Variants in SYN2 observed in about 807,000 individuals in gnomAD.
The protein encoded by SYN2 is synapsin II.
In SYN2, 19 loss-of-function variants were observed where a neutral mutation model predicts 50.9. The observed-to-expected ratio is 0.37, with a 90% CI of 0.26 to 0.55. The LOEUF (loss-of-function observed/expected upper bound fraction) is 0.55, where lower values mean the gene tolerates loss of function less well. Ranked by LOEUF, SYN2 falls within the 20% of genes least tolerant of loss-of-function variation. The pLI is 0.81. For missense variants in SYN2, 587 were observed against 576.4 expected, an observed-to-expected ratio of 1.02 and a Z score of -0.19; for synonymous variants, 255 against 224.9, an observed-to-expected ratio of 1.13 and a Z score of -1.20.
At chr3:12,104,747 G>C (rs1487217901) in intron 1 of SYN2, among the ~76,000 whole-genome samples, 2 of 151,528 alleles carry the variant, frequency 1.3e-5, no homozygotes. Context: ...AATTATTTTT[G>C]TATTTTTAGT....
chr3:12,152,341 A>G (rs1310226675), intron 5 of SYN2, among the ~76,000 whole-genome samples: 1 of 152,174 alleles, frequency 6.6e-6, no homozygotes, highest in African/African-American at 2.4e-5. Context: ...CCTAGAGGCC[A>G]ATATCAGGAC....
intron 5 of SYN2, among the ~76,000 whole-genome samples, chr3:12,161,022 G>A (rs1231039419): frequency 6.6e-6 from 1 of 152,212 alleles, no homozygotes; most frequent in Non-Finnish European, 1.5e-5. Context: ...TGAGATTGGG[G>A]TATTGGTGAG....
intron 1 of SYN2, among the ~76,000 whole-genome samples, chr3:12,026,718 G>C (rs930396266): frequency 4.1e-4 from 63 of 152,320 alleles, no homozygotes; most frequent in African/African-American, 1.5e-3. Context: ...AGACGTGGCT[G>C]GGAGGATCAC....
chr3:12,110,664 G>A (rs1209352353), intron 1 of SYN2, among the ~76,000 whole-genome samples: 1 of 152,210 alleles, frequency 6.6e-6, no homozygotes, highest in African/African-American at 2.4e-5. Flanking sequence ...CACTTGTACA[G>A]CACAGGGACT....
chr3:12,188,045 T>G (rs1574898476), intron 12 of SYN2, among the ~76,000 whole-genome samples: 1 of 152,028 alleles, frequency 6.6e-6, no homozygotes, highest in East Asian at 1.9e-4. Context: ...ATTTTTAATC[T>G]TTCTGCCTCT....
At chr3:12,144,029 G>A (rs1697088436) in intron 3 of SYN2, among the ~76,000 whole-genome samples, 1 of 152,218 alleles carries the variant, frequency 6.6e-6, no homozygotes, top group East Asian at 1.9e-4. Context: ...CCTGGGCAGA[G>A]AACCAAGTAG....
intron 1 of SYN2, among the ~76,000 whole-genome samples, chr3:12,088,415 TGGG>T (rs1289815245): frequency 6.6e-6 from 1 of 151,986 alleles, no homozygotes. Context: ...AGATAAGTAT[TGGG>T]GGGGTTGTGA....
intron 12 of SYN2, 94 bp downstream of exon 12, chr3:12,187,706 T>G: frequency 7.0e-7 from 1 of 1,435,320 alleles, no homozygotes; most frequent in South Asian, 1.5e-5. Flanking sequence ...TTCAATCAGG[T>G]CTCCTCCTAC....
chr3:12,132,219 A>T (rs147786507), intron 1 of SYN2, among the ~76,000 whole-genome samples: 3 of 152,030 alleles, frequency 2.0e-5, no homozygotes, highest in African/African-American at 4.8e-5. Flanking sequence ...CAGTAACTCT[A>T]TAAACATTTC....
At chr3:12,133,074 G>A (rs1249548394) in intron 1 of SYN2, among the ~76,000 whole-genome samples, 1 of 152,188 alleles carries the variant, frequency 6.6e-6, no homozygotes, top group Non-Finnish European at 1.5e-5. Context: ...AGAGCTGAAT[G>A]CCATCTGTAA....
At chr3:12,157,117 A>T (rs2279750) in intron 5 of SYN2, among the ~76,000 whole-genome samples, 1 of 152,100 alleles carries the variant, frequency 6.6e-6, no homozygotes, top group African/African-American at 2.4e-5. Flanking sequence ...ACAACAAAAA[A>T]CACCTAAACC....
intron 1 of SYN2, among the ~76,000 whole-genome samples, chr3:12,053,667 C>G (rs1043897514): frequency 6.6e-6 from 1 of 152,082 alleles, no homozygotes; most frequent in African/African-American, 2.4e-5. Flanking sequence ...CCATACAGGA[C>G]TTTTCCCCCC....
Position 12,022,263 on chromosome 3 carries a change from T to C in SYN2, c.377+17335T>C, listed in dbSNP as rs906318336. Among the ~76,000 whole-genome samples, 261 of 152,276 alleles carry C rather than the reference T, an allele frequency of 1.7e-3. 2 individuals carry two copies. The highest frequency in any genetic ancestry group is 5.3e-4 in the Non-Finnish European group (36 of 68,028). On this transcript the variant is annotated intron_variant, in intron 1 of 12. Coordinates refer to ENST00000621198, the MANE Select transcript of SYN2 (RefSeq NM_133625.6). ...AAAATGTTGAAGAAATTTCAAGTTC[T>C]TGGGACACTGGATAGTCTCCTCCAA...
intron 1 of SYN2, among the ~76,000 whole-genome samples, chr3:12,129,090 GAATA>G (rs1696733165): frequency 6.6e-6 from 1 of 151,934 alleles, no homozygotes; most frequent in South Asian, 2.1e-4. Context: ...ATAGAAATAA[GAATA>G]AAATGAATAA....
chr3:12,156,193 C>T (rs546223531), intron 5 of SYN2, among the ~76,000 whole-genome samples: 20 of 152,186 alleles, frequency 1.3e-4, no homozygotes, highest in African/African-American at 1.9e-4. Context: ...TGCTTTCTTT[C>T]TAAATATTGT....
intron 1 of SYN2, among the ~76,000 whole-genome samples, chr3:12,132,099 T>C (rs1242435614): frequency 6.6e-6 from 1 of 150,380 alleles, no homozygotes; most frequent in African/African-American, 2.5e-5. Context: ...CTCGAACTCC[T>C]GGGCTCAAGT....
chr3:12,072,085 G>T (rs1467750657), intron 1 of SYN2, among the ~76,000 whole-genome samples: 1 of 151,584 alleles, frequency 6.6e-6, no homozygotes, highest in African/African-American at 2.4e-5. Context: ...AAATGCTGCC[G>T]TTAAAAAAAA....
At chr3:12,167,137 G>A (rs2125241410) in intron 7 of SYN2, 97 bp from the exon 8 acceptor site, 4 of 1,262,944 alleles carry the variant, frequency 3.2e-6, no homozygotes, top group South Asian at 2.6e-5. Context: ...AAGCAGGTGT[G>A]GAAAGCAACA....
At chr3:12,183,266 A>T in intron 10 of SYN2, 46 bp from the exon 11 acceptor site, 1 of 1,575,780 alleles carries the variant, frequency 6.3e-7, no homozygotes, top group Non-Finnish European at 8.6e-7. Context: ...TTTGGAATTC[A>T]GTGGCTTGGA....
Sources: gnomAD v4.1 joint callset for allele counts (sites outside exome capture counted in the v4.1 genomes callset) on GRCh38, gnomAD v4.1.1 for gene constraint, MANE v1.5 for transcripts, NCBI Gene and HGNC (gene_info 2026-07-23, HGNC 2026-07-21) for gene names.